The following FER variants were observed in gnomAD, a reference collection of about 807,000 sequenced individuals.
FER encodes FER tyrosine kinase, also known as tyrosine-protein kinase Fer.
Under a neutral mutation model 111.0 loss-of-function variants are expected in FER, and 63 were observed. The ratio of observed to expected loss-of-function variants is 0.57; its 90% CI spans 0.46 to 0.70. The LOEUF (loss-of-function observed/expected upper bound fraction) is 0.70. Ranked by LOEUF, FER falls within the 30% of genes least tolerant of loss-of-function variation. FER has a pLI of 0.00. For missense variants in FER, 914 were observed against 954.0 expected, an observed-to-expected ratio of 0.96 and a Z score of 0.55; for synonymous variants, 327 against 313.9, an observed-to-expected ratio of 1.04 and a Z score of -0.44.
chr5:108,810,303 C>A (rs1441697932), intron 3 of FER, among the ~76,000 whole-genome samples: 1 of 152,178 alleles, frequency 6.6e-6, no homozygotes, highest in Non-Finnish European at 1.5e-5. Context: ...GGTGTGTATA[C>A]TTGATCCTCG....
chr5:108,794,945 C>G (rs1228269504), intron 2 of FER, among the ~76,000 whole-genome samples: 1 of 152,168 alleles, frequency 6.6e-6, no homozygotes, highest in Non-Finnish European at 1.5e-5. Context: ...TTGGAAAGAT[C>G]TCTGTTATTA....
chr5:108,985,062 G>A (rs973447841), intron 13 of FER, among the ~76,000 whole-genome samples: 2 of 151,838 alleles, frequency 1.3e-5, no homozygotes, highest in Admixed American at 6.6e-5. Flanking sequence ...GACAAATTAC[G>A]AATTAAAACT....
At chr5:108,939,095 T>A (rs79843553) in intron 10 of FER, among the ~76,000 whole-genome samples, 1 of 152,108 alleles carries the variant, frequency 6.6e-6, no homozygotes, top group East Asian at 1.9e-4. Flanking sequence ...CCATTTAAAC[T>A]AGGGTTTTTC....
At chr5:109,153,359 G>A (rs186415566) in intron 17 of FER, among the ~76,000 whole-genome samples, 184 of 151,920 alleles carry the variant, frequency 1.2e-3, no homozygotes, top group African/African-American at 4.1e-3. Flanking sequence ...GATTTGATAT[G>A]ATTGTTTTTC....
chr5:109,019,489 T>C (rs536392008), intron 13 of FER, among the ~76,000 whole-genome samples: 2 of 151,938 alleles, frequency 1.3e-5, no homozygotes, highest in African/African-American at 4.8e-5. Flanking sequence ...CAGTATCTGG[T>C]TAAAGTATCA....
chr5:108,927,252 CTT>C (rs766702172), intron 10 of FER, among the ~76,000 whole-genome samples: 35 of 95,232 alleles, frequency 3.7e-4, no homozygotes, highest in Non-Finnish European at 5.4e-4. Context: ...AGAAGTGGCT[CTT>C]TTTTTTTTTT....
At chr5:109,136,324 T>A (rs1561941061) in intron 17 of FER, among the ~76,000 whole-genome samples, 3 of 151,438 alleles carry the variant, frequency 2.0e-5, no homozygotes. Flanking sequence ...ATAAAAACAA[T>A]AAAAAAAGGA....
chr5:109,077,555 A>G (rs559646280), intron 16 of FER, among the ~76,000 whole-genome samples: 36 of 152,316 alleles, frequency 2.4e-4, no homozygotes, highest in African/African-American at 8.4e-4. Flanking sequence ...TTTAAAGCAT[A>G]GTATCAATTT....
intron 3 of FER, among the ~76,000 whole-genome samples, chr5:108,824,116 C>G (rs963739795): frequency 6.6e-6 from 1 of 152,014 alleles, no homozygotes; most frequent in Non-Finnish European, 1.5e-5. Flanking sequence ...TCTGTGCTCC[C>G]TCTATTCTTC....
At chr5:108,752,109 A>G (rs3805600) in intron 1 of FER, among the ~76,000 whole-genome samples, 32,571 of 151,956 alleles carry the variant, frequency 0.21, 4,307 homozygotes, top group African/African-American at 0.38. Context: ...CTATTGAGAG[A>G]CTGAAGGAAA....
chr5:108,994,520 GTA>G (rs1763746988), intron 13 of FER, among the ~76,000 whole-genome samples: 1 of 152,120 alleles, frequency 6.6e-6, no homozygotes. Context: ...TAGTCTTGTA[GTA>G]TAGTTTGAAG....
chr5:109,062,335 C>T (rs924357422), intron 16 of FER, among the ~76,000 whole-genome samples: 5 of 151,900 alleles, frequency 3.3e-5, no homozygotes, highest in South Asian at 2.1e-4. Context: ...ACCAGCCTGC[C>T]CAACAAAGCA....
intron 17 of FER, among the ~76,000 whole-genome samples, chr5:109,168,382 G>C (rs1441912644): frequency 1.3e-5 from 2 of 152,120 alleles, no homozygotes; most frequent in Non-Finnish European, 2.9e-5. Context: ...AGGCATGACT[G>C]GAGGGTTGGG....
intron 5 of FER, 24 bp downstream of exon 5, chr5:108,835,831 T>G (rs140735873): frequency 7.6e-7 from 1 of 1,321,538 alleles, no homozygotes; most frequent in South Asian, 1.3e-5. Flanking sequence ...TTAAAAATTG[T>G]TTACTTAGGT....
At chr5:109,129,185 T>C (rs190555634) in intron 17 of FER, among the ~76,000 whole-genome samples, 6 of 152,142 alleles carry the variant, frequency 3.9e-5, no homozygotes, top group Non-Finnish European at 8.8e-5. Flanking sequence ...CAGATACTCA[T>C]ACCTTATCTT....
At chr5:109,063,317 A>T (rs1774669225) in intron 16 of FER, among the ~76,000 whole-genome samples, 1 of 152,164 alleles carries the variant, frequency 6.6e-6, no homozygotes, top group East Asian at 1.9e-4. Context: ...AGTCAGTTTC[A>T]GTTATGTGAC....
rs553632839 is a variant in FER, at chr5:108,866,237, A to G, written c.482-1530A>G. 2.1e-3 allele frequency among the ~76,000 whole-genome samples: 320 copies of G among 152,360 alleles called. 3 individuals carry two copies. Among genetic ancestry groups the G allele is most frequent in the African/African-American group, 7.1e-3 (296 of 41,594 alleles). ...TAAGAAAATATGGCACATATACACC[A>G]TGGAATACTATGCAGCCATAAAAAA... is the stretch of plus-strand genomic sequence containing the variant. On this transcript the variant is annotated intron_variant, in intron 5 of 19. Transcript: ENST00000281092.
At chr5:109,080,609 A>G (rs750838878) in intron 16 of FER, among the ~76,000 whole-genome samples, 47 of 152,108 alleles carry the variant, frequency 3.1e-4, no homozygotes, top group Non-Finnish European at 5.0e-4. Flanking sequence ...ATTTCCATTT[A>G]TCTGAGTTCA....
At chr5:108,761,136 G>A (rs1305573854) in intron 1 of FER, among the ~76,000 whole-genome samples, 1 of 152,078 alleles carries the variant, frequency 6.6e-6, no homozygotes, top group Non-Finnish European at 1.5e-5. Flanking sequence ...CACCATGTTT[G>A]TCAGGCTGGT....
Sources: allele counts gnomAD v4.1 joint callset (sites outside exome capture counted in the v4.1 genomes callset), GRCh38; gene constraint gnomAD v4.1.1; transcripts MANE v1.5; gene names NCBI Gene and HGNC (gene_info 2026-07-23, HGNC 2026-07-21).